The following PPCS variants were observed in gnomAD, a reference collection of about 807,000 sequenced individuals.
PPCS encodes the protein phosphopantothenoylcysteine synthetase, also known as phosphopantothenate--cysteine ligase.
In PPCS, 17 loss-of-function variants were observed where a neutral mutation model predicts 24.6. That is an observed-to-expected ratio of 0.69 (90% confidence interval 0.47 to 1.04). The LOEUF (loss-of-function observed/expected upper bound fraction) is 1.04, where lower values mean the gene tolerates loss of function less well. Ranked by LOEUF, PPCS falls within the 50% of genes least tolerant of loss-of-function variation. PPCS has a pLI of 0.00. For missense variants in PPCS, 360 were observed against 402.8 expected (o/e 0.89, Z 0.91); for synonymous variants, 190 against 168.3 (o/e 1.13, Z -1.00).
At chr1:42,459,074 T>G (rs1643325476) in intron 2 of PPCS, 1 of 152,406 alleles carries the variant, frequency 6.6e-6, no homozygotes. Flanking sequence ...ATGGCAGGGC[T>G]TATTCAGAAG....
intron 1 of PPCS, 56 bp downstream of exon 1, chr1:42,457,129 A>C: frequency 6.3e-7 from 1 of 1,580,112 alleles, no homozygotes; most frequent in South Asian, 1.2e-5. Flanking sequence ...CTTTCCAGCC[A>C]CTTATCCCCT....
chr1:42,456,390 G>A (rs1011926034), upstream of PPCS: 1 of 739,842 alleles, frequency 1.4e-6, no homozygotes, highest in Admixed American at 3.2e-5. Flanking sequence ...CACTTTCGCT[G>A]GGCTCTGGGG....
chr1:42,457,800 CA>C (rs1252098727), intron 2 of PPCS, among the ~76,000 whole-genome samples: 1 of 151,768 alleles, frequency 6.6e-6, no homozygotes, highest in Non-Finnish European at 1.5e-5. Flanking sequence ...TAAAAAAATA[CA>C]AAAATTAGCC....
chr1:42,468,676 G>A (rs975546746), intron 2 of PPCS: 1 of 152,214 alleles, frequency 6.6e-6, no homozygotes, highest in Admixed American at 6.5e-5. Context: ...CTGGAGCATA[G>A]CAGAGAGAGA....
At chr1:42,466,847 C>T (rs1318014223) in intron 2 of PPCS, among the ~76,000 whole-genome samples, 2 of 152,118 alleles carry the variant, frequency 1.3e-5, no homozygotes, top group Non-Finnish European at 2.9e-5. Flanking sequence ...CCTCTGCGCC[C>T]GGCCAAGAAT....
intron 2 of PPCS, chr1:42,459,399 G>A (rs1330249952): frequency 6.9e-6 from 4 of 580,600 alleles, no homozygotes; most frequent in South Asian, 2.2e-5. Context: ...GGGCTCAAGC[G>A]ATCCACCCAT....
intron 2 of PPCS, among the ~76,000 whole-genome samples, chr1:42,469,021 TA>T (rs529616688): frequency 5.2e-4 from 72 of 137,682 alleles, no homozygotes; most frequent in East Asian, 1.7e-3. Flanking sequence ...AGAACAGAAT[TA>T]AAAAAAAAAA....
chr1:42,456,441 C>G, upstream of PPCS: 2 of 1,025,894 alleles, frequency 1.9e-6, no homozygotes, highest in South Asian at 3.6e-5. Context: ...AGATCGGGAC[C>G]TAGTGTCAAA....
intron 2 of PPCS, among the ~76,000 whole-genome samples, chr1:42,458,435 T>C (rs1172593989): frequency 6.6e-6 from 1 of 152,206 alleles, no homozygotes; most frequent in Non-Finnish European, 1.5e-5. Flanking sequence ...CTGTGGGGCA[T>C]TTGCCGACTT....
intron 2 of PPCS, among the ~76,000 whole-genome samples, chr1:42,468,489 G>A (rs1012697495): frequency 2.0e-5 from 3 of 152,188 alleles, no homozygotes; most frequent in Admixed American, 1.3e-4. Context: ...TTGGTCACCT[G>A]GCTGTATCTA....
At chr1:42,463,426 G>A (rs1002066290), downstream of PPCS, 1 of 152,282 alleles carries the variant, frequency 6.6e-6, no homozygotes, top group Non-Finnish European at 1.5e-5. Flanking sequence ...GCCCCAAGGA[G>A]GAAAGCACCC....
chr1:42,465,899 A>AT, downstream of PPCS, among the ~76,000 whole-genome samples: 1 of 152,204 alleles, frequency 6.6e-6, no homozygotes, highest in South Asian at 2.1e-4. Context: ...TCAACAGTTC[A>AT]TTTTTTTGTT....
At chr1:42,469,151 G>A (rs889063460) in intron 2 of PPCS, among the ~76,000 whole-genome samples, 2 of 152,146 alleles carry the variant, frequency 1.3e-5, no homozygotes, top group Non-Finnish European at 2.9e-5. Context: ...GGCTGAAATG[G>A]GAGGATCACT....
chr1:42,472,151 G>A (rs1643790633), intron 2 of PPCS, among the ~76,000 whole-genome samples: 1 of 152,090 alleles, frequency 6.6e-6, no homozygotes, highest in African/African-American at 2.4e-5. Context: ...CTACTCAGGA[G>A]GCTGAGGCAG....
At position 42,460,009 on chromosome 1, in the gene PPCS, T is replaced by G; in HGVS notation, c.*83T>G. ...TACAAAAAAAACCATGGCTTTCATA[T>G]GGACAGATAAAATGAAAGAAAGGGA... On this transcript the variant is annotated 3_prime_UTR_variant, in exon 3 of 3. Transcript: ENST00000372561. 6.7e-7 allele frequency: 1 copy of G among 1,484,432 alleles called. No homozygotes were observed. The highest frequency in any genetic ancestry group is 1.4e-5 in the South Asian group (1 of 70,452). 92.0% of individuals were successfully genotyped at this position (1,484,432 alleles called of 1,614,324 possible). A position where few individuals can be genotyped will look rare whatever the true frequency, so the allele number is the denominator to read the frequency against.
At chr1:42,466,804 G>A (rs1283765303) in intron 2 of PPCS, among the ~76,000 whole-genome samples, 1 of 152,026 alleles carries the variant, frequency 6.6e-6, no homozygotes, top group Middle Eastern at 3.2e-3. Context: ...CATCTGCCTC[G>A]GCCTCCCAAA....
intron 2 of PPCS, chr1:42,467,740 C>G (rs1245752169): frequency 6.6e-6 from 1 of 152,218 alleles, no homozygotes; most frequent in African/African-American, 2.4e-5. Context: ...ACCTCTACTT[C>G]CAACCCATTC....
At chr1:42,463,040 G>A (rs867894379), downstream of PPCS, among the ~76,000 whole-genome samples, 1 of 152,200 alleles carries the variant, frequency 6.6e-6, no homozygotes, top group East Asian at 1.9e-4. Context: ...AACGCCCCAA[G>A]ACAAAATGTA....
At chr1:42,457,160 ATC>A in intron 1 of PPCS, 85 bp from the exon 2 acceptor site, 6 of 1,597,330 alleles carry the variant, frequency 3.8e-6, no homozygotes, top group Non-Finnish European at 5.1e-6. Flanking sequence ...TTACCCACGG[ATC>A]TCAGCTGGGG....
Sources: allele counts gnomAD v4.1 joint callset (sites outside exome capture counted in the v4.1 genomes callset), GRCh38; gene constraint gnomAD v4.1.1; transcripts MANE v1.5; gene names NCBI Gene and HGNC (gene_info 2026-07-23, HGNC 2026-07-21).